The following CADM2 variants were observed in gnomAD, a reference collection of about 807,000 sequenced individuals.
The protein encoded by CADM2 is immunoglobulin superfamily member 4D.
In CADM2, 12 loss-of-function variants were observed where a neutral mutation model predicts 49.8. That is an observed-to-expected ratio of 0.24 (90% confidence interval 0.15 to 0.39). CADM2 has a LOEUF of 0.39. Ranked by LOEUF, CADM2 falls within the 10% of genes least tolerant of loss-of-function variation. The pLI is 1.00. For synonymous variants in CADM2, 214 were observed against 175.4 expected (o/e 1.22, Z -1.74); for missense variants, 378 against 492.3 (o/e 0.77, Z 2.20).
At chr3:85,092,611 G>A (rs903049148) in intron 1 of CADM2, among the ~76,000 whole-genome samples, 21 of 152,156 alleles carry the variant, frequency 1.4e-4, no homozygotes, top group African/African-American at 5.1e-4. Context: ...TTGCAAATCA[G>A]TTTAGCCTCA....
chr3:85,717,976 G>T (rs1156632492), intron 1 of CADM2, among the ~76,000 whole-genome samples: 1 of 152,068 alleles, frequency 6.6e-6, no homozygotes, highest in Non-Finnish European at 1.5e-5. Context: ...CACCATGTTG[G>T]CCAGGCTGGT....
intron 3 of CADM2, among the ~76,000 whole-genome samples, chr3:85,820,607 G>T (rs2073494365): frequency 6.6e-6 from 1 of 152,170 alleles, no homozygotes; most frequent in Admixed American, 6.5e-5. Flanking sequence ...TTGAGATGGA[G>T]AAGCTTGCAG....
At chr3:85,578,760 T>A (rs532753852) in intron 1 of CADM2, among the ~76,000 whole-genome samples, 4 of 152,342 alleles carry the variant, frequency 2.6e-5, no homozygotes, top group African/African-American at 9.6e-5. Flanking sequence ...GATATTCTGT[T>A]CTATGTCATC....
chr3:85,973,666 AG>A (rs1199608807), intron 8 of CADM2, among the ~76,000 whole-genome samples: 2 of 151,780 alleles, frequency 1.3e-5, no homozygotes, highest in Non-Finnish European at 2.9e-5. Context: ...TGTAAACTAG[AG>A]CAAATTTGAA....
At chr3:85,097,773 A>G (rs968344138) in intron 1 of CADM2, among the ~76,000 whole-genome samples, 5 of 152,210 alleles carry the variant, frequency 3.3e-5, no homozygotes, top group African/African-American at 4.8e-5. Flanking sequence ...CATCAATGAG[A>G]AAAATAATCT....
At chr3:85,408,609 TA>T (rs1054338612) in intron 1 of CADM2, among the ~76,000 whole-genome samples, 5 of 152,198 alleles carry the variant, frequency 3.3e-5, no homozygotes, top group African/African-American at 1.2e-4. Flanking sequence ...TGTAAACACA[TA>T]ACTGCTATCT....
intron 2 of CADM2, among the ~76,000 whole-genome samples, chr3:85,772,407 CTG>C (rs1389815279): frequency 6.6e-6 from 1 of 151,982 alleles, no homozygotes. Context: ...GTCATTTTAT[CTG>C]TGTGTATGTG....
chr3:85,442,871 G>A (rs1178876401), intron 1 of CADM2, among the ~76,000 whole-genome samples: 4 of 151,568 alleles, frequency 2.6e-5, no homozygotes, highest in South Asian at 2.1e-4. Flanking sequence ...CAGGAATCTC[G>A]TGGATTTAGG....
chr3:85,759,236 T>C (rs1273614496), intron 2 of CADM2, among the ~76,000 whole-genome samples: 1 of 152,118 alleles, frequency 6.6e-6, no homozygotes, highest in Non-Finnish European at 1.5e-5. Flanking sequence ...GGTTCTTTAT[T>C]CCTGCCTAGT....
chr3:85,708,773 C>T (rs1577133227), intron 1 of CADM2, among the ~76,000 whole-genome samples: 1 of 152,048 alleles, frequency 6.6e-6, no homozygotes, highest in Non-Finnish European at 1.5e-5. Flanking sequence ...ATTGAGGACA[C>T]AGAACTAAGT....
chr3:85,647,556 A>G (rs756173520), intron 1 of CADM2, among the ~76,000 whole-genome samples: 3 of 151,446 alleles, frequency 2.0e-5, no homozygotes, highest in African/African-American at 7.3e-5. Context: ...TTTTTTGCAT[A>G]GAGAGTGTTT....
At chr3:85,764,980 GT>G (rs915995211) in intron 2 of CADM2, among the ~76,000 whole-genome samples, 7 of 151,768 alleles carry the variant, frequency 4.6e-5, no homozygotes, top group Non-Finnish European at 2.9e-5. Flanking sequence ...TTTGTTTTTT[GT>G]TTTTTTCTAA....
rs561511911 is a variant in CADM2, at chr3:85,816,086, G to A, written c.238+13890G>A. Among the ~76,000 whole-genome samples, 3 of 151,918 alleles carry A rather than the reference G, an allele frequency of 2.0e-5. No homozygotes were observed. The East Asian group carries it at 5.8e-4, about 29-fold the overall frequency. ...CAACAAAATATATTTTTGATAAGAT[G>A]TATTATTTAAAGTTTACTGTTTAAC... On this transcript the variant is annotated intron_variant, in intron 3 of 9. Transcript: ENST00000383699.
intron 1 of CADM2, among the ~76,000 whole-genome samples, chr3:85,640,675 AT>A (rs2064683089): frequency 6.6e-6 from 1 of 152,192 alleles, no homozygotes. Flanking sequence ...CAGAAACTGG[AT>A]GTTTTCCTGA....
intron 1 of CADM2, among the ~76,000 whole-genome samples, chr3:85,409,186 C>T (rs928538899): frequency 6.6e-6 from 1 of 152,130 alleles, no homozygotes; most frequent in South Asian, 2.1e-4. Flanking sequence ...TTAAACCTAT[C>T]TCTTCTTTCC....
intron 1 of CADM2, among the ~76,000 whole-genome samples, chr3:85,474,221 G>A (rs2107614669): frequency 6.6e-6 from 1 of 151,636 alleles, no homozygotes; most frequent in African/African-American, 2.4e-5. Context: ...GGGATTGGCT[G>A]GCTCATGGGA....
At chr3:85,161,592 T>A (rs528747489) in intron 1 of CADM2, among the ~76,000 whole-genome samples, 2 of 152,124 alleles carry the variant, frequency 1.3e-5, no homozygotes, top group East Asian at 3.9e-4. Context: ...AAAAAATGAA[T>A]GAGTGCAGGA....
chr3:85,489,135 T>C (rs2039555492), intron 1 of CADM2, among the ~76,000 whole-genome samples: 1 of 152,174 alleles, frequency 6.6e-6, no homozygotes, highest in Non-Finnish European at 1.5e-5. Flanking sequence ...TAATATAATC[T>C]TAAGAAAGGG....
chr3:85,125,702 T>G (rs1245397437), intron 1 of CADM2, among the ~76,000 whole-genome samples: 1 of 152,334 alleles, frequency 6.6e-6, no homozygotes, highest in African/African-American at 2.4e-5. Context: ...TTAGACAATT[T>G]ATTTCATGGT....
Sources: gnomAD v4.1 joint callset for allele counts (sites outside exome capture counted in the v4.1 genomes callset) on GRCh38, gnomAD v4.1.1 for gene constraint, MANE v1.5 for transcripts, NCBI Gene and HGNC (gene_info 2026-07-23, HGNC 2026-07-21) for gene names.